The following KIF15 variants were observed in gnomAD, a reference collection of about 807,000 sequenced individuals.
KIF15 encodes kinesin family member 15, also known as kinesin-like protein KIF15.
KIF15 carries 140 observed loss-of-function variants against 190.6 expected under a neutral mutation model. The ratio of observed to expected loss-of-function variants is 0.73; its 90% CI spans 0.64 to 0.84. The LOEUF (loss-of-function observed/expected upper bound fraction) is 0.84, where lower values mean the gene tolerates loss of function less well. KIF15 is among the 40% of genes least tolerant of loss of function. The pLI is 0.00. For missense variants in KIF15, 1,372 were observed against 1,584.4 expected (o/e 0.87, Z 2.28); for synonymous variants, 528 against 551.3 (o/e 0.96, Z 0.59).
chr3:44,858,774 G>A (rs988412013), intron 6 of KIF15, among the ~76,000 whole-genome samples: 4 of 152,226 alleles, frequency 2.6e-5, no homozygotes, highest in African/African-American at 9.6e-5. Flanking sequence ...ACCCACAACA[G>A]TTATGGAGGC....
At chr3:44,837,614 G>GTA (rs141324712) in intron 26 of KIF15, among the ~76,000 whole-genome samples, 104 of 149,742 alleles carry the variant, frequency 6.9e-4, no homozygotes, top group African/African-American at 1.5e-3. Flanking sequence ...ATATGTGTGT[G>GTA]TATATATATA....
rs1706413429 is a variant in KIF15, at chr3:44,786,486, G to C, written c.551G>C (p.Gly184Ala). 3 of 1,613,852 alleles carry C rather than the reference G, an allele frequency of 1.9e-6. No homozygotes were observed. In the South Asian group the frequency reaches 3.3e-5, roughly 18 times the overall value. ...GATCTACTGGACTCTGCATCGGCTG[G>C]ACTGTACTTAAGGGAGCATATCAAG... Reference protein sequence around the residue: ...IYDLLDSASAGLYLREHIKKG... With the variant: ...IYDLLDSASAALYLREHIKKG... The change falls in exon 7 of 35, where the codon GGA (glycine) becomes GCA (alanine). Residue 184 changes from glycine to alanine, a missense_variant. Physicochemically the swap from Gly to Ala is moderately conservative, Grantham distance 60 (BLOSUM62 0). Transcript: ENST00000326047.
intron 16 of KIF15, among the ~76,000 whole-genome samples, chr3:44,807,149 G>A (rs953779513): frequency 2.6e-5 from 4 of 152,078 alleles, no homozygotes; most frequent in Admixed American, 2.0e-4. Flanking sequence ...TTTTAGTAGT[G>A]GTGCTTTTTG....
intron 2 of KIF15, 52 bp from the exon 3 acceptor site, chr3:44,775,202 C>T: frequency 1.4e-6 from 2 of 1,440,048 alleles, no homozygotes; most frequent in Admixed American, 1.9e-5. Flanking sequence ...GATCCTTTTT[C>T]AGTTTTCTTC....
intron 11 of KIF15, 49 bp downstream of exon 11, chr3:44,800,486 T>C (rs761861602): frequency 1.9e-6 from 3 of 1,585,998 alleles, no homozygotes; most frequent in African/African-American, 2.7e-5. Context: ...GTACAAATAA[T>C]AGTTTAAGAG....
chr3:44,813,444 C>T (rs1216528380), intron 19 of KIF15, among the ~76,000 whole-genome samples: 2 of 152,106 alleles, frequency 1.3e-5, no homozygotes, highest in Non-Finnish European at 2.9e-5. Context: ...TTGACACAGA[C>T]TCTCGCTTTG....
At chr3:44,818,602 TGTG>T (rs1708130318) in intron 20 of KIF15, among the ~76,000 whole-genome samples, 1 of 152,144 alleles carries the variant, frequency 6.6e-6, no homozygotes, top group Non-Finnish European at 1.5e-5. Flanking sequence ...CCGACTTTAT[TGTG>T]GTGGATAAGC....
In KIF15 at chr3:44,784,930, T is replaced by C; in HGVS notation, c.447T>C (p.Arg149=). Residue 149 remains arginine, a synonymous_variant, in exon 6 of 35, where the codon CGT becomes CGC. Coordinates refer to ENST00000326047, the MANE Select transcript of KIF15 (RefSeq NM_020242.3). Reference sequence around the variant, plus strand: ...AATATTTGTTTTCCTTAATTGATCGTGAAAAAGAAAAGGTAAAACAATGTA... The same window carrying C: ...AATATTTGTTTTCCTTAATTGATCGCGAAAAAGAAAAGGTAAAACAATGTA... ...SFEYLFSLID[R]EKEKAGAGKS... 6.5e-7 allele frequency: 1 copy of C among 1,542,842 alleles called. No individual in the cohort carries two copies. The highest frequency in any genetic ancestry group is 8.9e-7 in the Non-Finnish European group (1 of 1,126,940).
intron 14 of KIF15, 109 bp from the exon 15 acceptor site, chr3:44,804,918 C>A: frequency 8.5e-7 from 1 of 1,180,852 alleles, no homozygotes; most frequent in Non-Finnish European, 1.2e-6. Flanking sequence ...GGCTTTAGTA[C>A]ACTATGATCA....
chr3:44,841,382 G>C, intron 29 of KIF15, 144 bp downstream of exon 29: 1 of 537,024 alleles, frequency 1.9e-6, no homozygotes, highest in Non-Finnish European at 3.3e-6. Context: ...TGCCCAGCCA[G>C]TAAATTTAAT....
chr3:44,830,323 A>G (rs539516969), intron 25 of KIF15, among the ~76,000 whole-genome samples: 2 of 152,324 alleles, frequency 1.3e-5, no homozygotes, highest in Non-Finnish European at 2.9e-5. Context: ...GATCTGGGAC[A>G]ATGTTCTCTG....
At chr3:44,801,031 G>A (rs1001727658) in intron 11 of KIF15, among the ~76,000 whole-genome samples, 2 of 146,874 alleles carry the variant, frequency 1.4e-5, no homozygotes, top group African/African-American at 5.1e-5. Context: ...TTTTTGAGAC[G>A]CAGTCTCTCT....
chr3:44,835,079 CA>C (rs1698244612), intron 26 of KIF15, among the ~76,000 whole-genome samples: 1 of 151,424 alleles, frequency 6.6e-6, no homozygotes. Context: ...TATAGCGTAT[CA>C]AAATCTTAGG....
intron 10 of KIF15, chr3:44,799,364 T>G (rs1707146682): frequency 2.2e-6 from 1 of 455,892 alleles, no homozygotes; most frequent in Non-Finnish European, 4.4e-6. Context: ...GCTATTTAAA[T>G]TTTTCCGTGA....
intron 17 of KIF15, among the ~76,000 whole-genome samples, chr3:44,811,373 C>T (rs1473104639): frequency 1.3e-5 from 2 of 152,126 alleles, no homozygotes; most frequent in Admixed American, 6.5e-5. Flanking sequence ...AGGCCGGGTG[C>T]GGTGGCTCAC....
intron 6 of KIF15, chr3:44,862,256 G>A (rs1172783713): frequency 3.6e-6 from 2 of 562,362 alleles, no homozygotes; most frequent in Non-Finnish European, 4.5e-6. Context: ...CACCCTCGCC[G>A]GTCTGTCCCG....
intron 1 of KIF15, among the ~76,000 whole-genome samples, chr3:44,769,903 C>A (rs1705571066): frequency 6.6e-6 from 1 of 152,142 alleles, no homozygotes; most frequent in African/African-American, 2.4e-5. Flanking sequence ...CTTTGGTTAG[C>A]TCCCTTGGTC....
intron 26 of KIF15, 76 bp from the exon 27 acceptor site, chr3:44,838,199 G>T: frequency 6.9e-7 from 1 of 1,459,252 alleles, no homozygotes; most frequent in Non-Finnish European, 9.2e-7. Flanking sequence ...TCTGTTAAAA[G>T]TTGTACATAG....
In KIF15 at chr3:44,852,403, C is replaced by G. The variant is rs539376507; in HGVS notation, c.4104+64C>G. The stretch of plus-strand genomic sequence containing the variant: ...TTAAAAATGATTATTTTATTGAAAC[C>G]AAATTAAAACTTAATTATTGAATCA... On this transcript the variant is annotated intron_variant, in intron 34 of 34. Transcript: ENST00000326047. 5 of 1,438,692 alleles carry G rather than the reference C, an allele frequency of 3.5e-6. No homozygotes were observed. The South Asian group carries it at 5.4e-5, about 16-fold the overall frequency. The allele number at this position is 1,438,692 out of a possible 1,614,324, so 89.1% of individuals were successfully genotyped here.
Sources: allele counts gnomAD v4.1 joint callset (sites outside exome capture counted in the v4.1 genomes callset), GRCh38; gene constraint gnomAD v4.1.1; transcripts MANE v1.5; gene names NCBI Gene and HGNC (gene_info 2026-07-23, HGNC 2026-07-21).